The following ERN1 variants were observed in gnomAD, a reference collection of about 807,000 sequenced individuals.
ERN1 encodes the protein serine/threonine-protein kinase/endoribonuclease IRE1.
ERN1 carries 39 observed loss-of-function variants against 113.1 expected under a neutral mutation model. That is an observed-to-expected ratio of 0.34 (90% CI 0.27 to 0.45). The LOEUF (loss-of-function observed/expected upper bound fraction) is 0.45. ERN1 is among the 20% of genes least tolerant of loss of function. The pLI is 1.00. For missense variants in ERN1, 976 were observed against 1,274.8 expected (o/e 0.77, Z 3.57); for synonymous variants, 507 against 515.9 (o/e 0.98, Z 0.23).
At chr17:64,075,135 C>T (rs1317480836) in intron 5 of ERN1, 40 bp downstream of exon 5, 12 of 1,481,190 alleles carry the variant, frequency 8.1e-6, no homozygotes, top group South Asian at 1.2e-5. Flanking sequence ...CCGGGACTTA[C>T]ATCAAAGAGA....
In ERN1 at chr17:64,044,650, C is replaced by T. The variant is rs550856551; in HGVS notation, c.2721+210G>A. 6.0e-4 allele frequency among the ~76,000 whole-genome samples: 91 copies of T among 152,332 alleles called. 1 individual carries two copies. The highest frequency in any genetic ancestry group is 3.4e-3 in the Middle Eastern group (1 of 292). On this transcript the variant is annotated intron_variant, in intron 21 of 21. Transcript: ENST00000433197. The surrounding 1 kb of genome is among the most constrained non-coding windows in gnomAD (Gnocchi z 4.1). The stretch of plus-strand genomic sequence containing the variant: ...ACATGGGCCGCAGAGCACTGCTTCC[C>T]GGAGCTTCACCTGCACCTACGTCCC...
intron 2 of ERN1, among the ~76,000 whole-genome samples, chr17:64,081,750 T>C (rs777273522): frequency 1.3e-5 from 2 of 152,232 alleles, no homozygotes; most frequent in Non-Finnish European, 2.9e-5. Context: ...TTTTTTTCTC[T>C]AAGTCAATTT....
intron 1 of ERN1, among the ~76,000 whole-genome samples, chr17:64,119,376 G>GT (rs3044073): frequency 0.017 from 1,309 of 77,896 alleles, 107 homozygotes; most frequent in Non-Finnish European, 0.024. Flanking sequence ...TTTTTTCTAG[G>GT]TTTTTTTTTT....
chr17:64,041,554 TCAAA>T lies in ERN1; in HGVS notation c.*2430_*2433del. 1 of 152,156 alleles carries T rather than the reference TCAAA, an allele frequency of 6.6e-6. No individual in the cohort carries two copies. The highest frequency in any genetic ancestry group is 2.4e-5 in the African/African-American group (1 of 41,460). The allele number at this position is 152,156 out of a possible 1,614,324, so 9.4% of individuals were successfully genotyped here. On this transcript the variant is annotated 3_prime_UTR_variant, in exon 22 of 22. Coordinates refer to ENST00000433197, the MANE Select transcript of ERN1 (RefSeq NM_001433.5). ...TGACAAGTACCCACACGAGATCTCT[TCAAA>T]CAAACCCCCCAGAGGATGGACGGGA... is the stretch of plus-strand genomic sequence containing the variant.
At chr17:64,096,475 T>C (rs974224798) in intron 2 of ERN1, among the ~76,000 whole-genome samples, 3 of 152,230 alleles carry the variant, frequency 2.0e-5, no homozygotes, top group African/African-American at 7.2e-5. Context: ...AATTATTTCA[T>C]TCTACATTAC....
At chr17:64,081,517 T>A (rs1913768017) in intron 2 of ERN1, among the ~76,000 whole-genome samples, 1 of 152,216 alleles carries the variant, frequency 6.6e-6, no homozygotes, top group South Asian at 2.1e-4. Flanking sequence ...AATAAAATTT[T>A]AAGACATATA....
In ERN1 at chr17:64,054,443, C is replaced by A. The variant is rs200558252; in HGVS notation, c.1764-4G>T. ...GTCGCGGTTGTCAAACATGCCCCTG[C>A]GGGATGAGGAGTGGGAGTTGTGTCT... On this transcript the variant is annotated splice_polypyrimidine_tract_variant and splice_region_variant and intron_variant, in intron 14 of 21. Transcript: ENST00000433197. The surrounding 1 kb of genome is among the most constrained non-coding windows in gnomAD (Gnocchi z 4.9). The A allele has an allele frequency of 6.4e-6, 10 of 1,553,942 alleles. No individual in the cohort carries two copies. Among genetic ancestry groups the A allele is most frequent in the Non-Finnish European group, 8.7e-6 (10 of 1,147,672 alleles).
chr17:64,115,454 G>A lies in ERN1; in HGVS notation c.54+14522C>T, dbSNP rs891048112. On this transcript the variant is annotated intron_variant, in intron 1 of 21. Transcript: ENST00000433197. Reference sequence around the variant, plus strand: ...GGGTTTGCCGTCTAGCAGGAGAGTCGTGTAATGCAGAAAAAAAGACGGCAA... The same window carrying A: ...GGGTTTGCCGTCTAGCAGGAGAGTCATGTAATGCAGAAAAAAAGACGGCAA... Among the ~76,000 whole-genome samples the A allele has an allele frequency of 1.5e-4, 23 of 152,146 alleles. 1 individual carries two copies. Among genetic ancestry groups the A allele is most frequent in the African/African-American group, 5.1e-4 (21 of 41,428 alleles).
At chr17:64,098,902 T>C (rs1914306444) in intron 1 of ERN1, among the ~76,000 whole-genome samples, 1 of 152,170 alleles carries the variant, frequency 6.6e-6, no homozygotes, top group Non-Finnish European at 1.5e-5. Flanking sequence ...AACCAAAGGC[T>C]GTGACATTTC....
chr17:64,049,065 T>C lies in ERN1; in HGVS notation c.2391A>G (p.Pro797=), dbSNP rs116770028. Residue 797 remains proline, a synonymous_variant, in exon 18 of 22, where the codon CCA becomes CCG. Coordinates refer to ENST00000433197, the MANE Select transcript of ERN1 (RefSeq NM_001433.5). The surrounding 1 kb of genome is among the most constrained non-coding windows in gnomAD (Gnocchi z 4.7). ...CCCTGGACCGCTCACCGTGCTTCTC[T>C]GGGTGCAAGCAGTCAAGGCTGCAGG... ...LGACSLDCLH[P]EKHEDVIARE... is the part of the protein sequence containing the mutation. The C allele has an allele frequency of 4.1e-4, 656 of 1,593,314 alleles. 3 individuals carry two copies. The African/African-American group carries it at 7.7e-3, about 19-fold the overall frequency.
chr17:64,089,041 C>T (rs554734475), intron 2 of ERN1, among the ~76,000 whole-genome samples: 2 of 152,112 alleles, frequency 1.3e-5, no homozygotes, highest in Admixed American at 1.3e-4. Flanking sequence ...GAATGTGGGC[C>T]GGGCGCAGTG....
chr17:64,102,624 T>C (rs1914417779), intron 1 of ERN1: 7 of 972,060 alleles, frequency 7.2e-6, no homozygotes, highest in Non-Finnish European at 8.6e-6. Context: ...ATTAAACATG[T>C]TTCCAGATGC....
At chr17:64,108,044 G>C (rs1367566609) in intron 1 of ERN1, among the ~76,000 whole-genome samples, 1 of 152,098 alleles carries the variant, frequency 6.6e-6, no homozygotes, top group Non-Finnish European at 1.5e-5. Flanking sequence ...AAAGGCCAAG[G>C]CCTAACTGAA....
chr17:64,129,677 G>A (rs911941169), intron 1 of ERN1: 24 of 373,554 alleles, frequency 6.4e-5, no homozygotes, highest in Middle Eastern at 7.0e-4. Context: ...AGGACGCCAC[G>A]AAGTTGCGCC....
chr17:64,110,264 A>G (rs1914638243), intron 1 of ERN1, among the ~76,000 whole-genome samples: 1 of 152,206 alleles, frequency 6.6e-6, no homozygotes, highest in African/African-American at 2.4e-5. Context: ...GGTGTACAAC[A>G]TGATGTTCTG....
chr17:64,067,318 G>T (rs1198230937), intron 7 of ERN1, among the ~76,000 whole-genome samples: 1 of 151,616 alleles, frequency 6.6e-6, no homozygotes, highest in Non-Finnish European at 1.5e-5. Context: ...GGACAGCTGT[G>T]GTGGCTCATG....
At position 64,068,258 on chromosome 17, in the gene ERN1, C is replaced by A. The variant is rs372593820; in HGVS notation, c.512G>T (p.Arg171Leu). The change falls in exon 7 of 22, where the codon CGA becomes CTA. Residue 171 changes from arginine to leucine, a missense_variant. Around this residue, in one of 5 missense-constraint regions of ERN1, gnomAD observed 459 missense variants for 581.2 expected, o/e 0.79. Coordinates refer to ENST00000433197, the MANE Select transcript of ERN1 (RefSeq NM_001433.5). ...YTITMYDTKT[R>L]ELRWNATYFD... ...GTAGGTGGCATTCCACCGGAGCTCT[C>A]GGGTTTTGGTGTCGTACATGGTGAT... 6.2e-7 allele frequency: 1 copy of A among 1,612,812 alleles called. No individual in the cohort carries two copies. Among genetic ancestry groups the A allele is most frequent in the Non-Finnish European group, 8.5e-7 (1 of 1,179,440 alleles).
In ERN1 at chr17:64,113,807, C is replaced by T. The variant is rs1333304845; in HGVS notation, c.55-15566G>A. Among the ~76,000 whole-genome samples the T allele has an allele frequency of 3.9e-5, 6 of 152,040 alleles. No individual in the cohort carries two copies. The East Asian group carries it at 5.8e-4, about 15-fold the overall frequency. ...CAAGCAATTCTCTGCCTCAGCCTCC[C>T]GAGTAGCTGGGATTACAGGCGCCCA... is the stretch of plus-strand genomic sequence containing the variant. On this transcript the variant is annotated intron_variant, in intron 1 of 21. Coordinates refer to ENST00000433197, the MANE Select transcript of ERN1 (RefSeq NM_001433.5).
At chr17:64,091,352 T>C (rs188344118) in intron 2 of ERN1, among the ~76,000 whole-genome samples, 13 of 152,298 alleles carry the variant, frequency 8.5e-5, no homozygotes, top group Admixed American at 4.6e-4. Context: ...TCAAGTCCCA[T>C]TTGTTTCTCA....
Sources: allele counts gnomAD v4.1 joint callset (sites outside exome capture counted in the v4.1 genomes callset), GRCh38; gene constraint gnomAD v4.1.1; regional missense constraint gnomAD v4.1.1; non-coding constraint Gnocchi (gnomAD v3.1); transcripts MANE v1.5; gene names NCBI Gene and HGNC (gene_info 2026-07-23, HGNC 2026-07-21).